GSS: variants seen among roughly 807,000 people sequenced by gnomAD.
GSS encodes the protein glutathione synthetase.
In GSS, 34 loss-of-function variants were observed where a neutral mutation model predicts 60.4. The observed-to-expected ratio is 0.56, with a 90% CI of 0.43 to 0.75. The LOEUF is 0.75. GSS is among the 30% of genes least tolerant of loss of function. GSS has a pLI of 0.00. For synonymous variants in GSS, 224 were observed against 239.0 expected (o/e 0.94, Z 0.58); for missense variants, 499 against 595.1 (o/e 0.84, Z 1.68).
intron 3 of GSS, among the ~76,000 whole-genome samples, chr20:34,943,607 A>C (rs561224275): frequency 1.3e-5 from 2 of 152,148 alleles, no homozygotes; most frequent in East Asian, 3.8e-4. Flanking sequence ...TTCTTCTTCA[A>C]CTAGTCCTCA....
intron 6 of GSS, among the ~76,000 whole-genome samples, chr20:34,938,181 C>CTGTA (rs2081455648): frequency 6.6e-6 from 1 of 152,048 alleles, no homozygotes; most frequent in Admixed American, 6.6e-5. Flanking sequence ...TTTGCTGTGA[C>CTGTA]TGTACTGCTT....
intron 10 of GSS, 39 bp from the exon 11 acceptor site, chr20:34,931,456 G>T (rs1194536577): frequency 1.3e-6 from 2 of 1,529,988 alleles, no homozygotes; most frequent in South Asian, 1.1e-5. Flanking sequence ...AAGTTTAAAG[G>T]CTAAAGAGGC....
intron 11 of GSS, among the ~76,000 whole-genome samples, chr20:34,930,435 T>G (rs2081392160): frequency 6.6e-6 from 1 of 152,114 alleles, no homozygotes; most frequent in African/African-American, 2.4e-5. Flanking sequence ...AAGGTACCCC[T>G]GAGTCATATT....
In GSS at chr20:34,936,831, A is replaced by G. The variant is rs930523814; in HGVS notation, c.699T>C (p.His233=). The change falls in exon 8 of 13, where the codon CAT becomes CAC. Residue 233 remains histidine, a synonymous_variant. Transcript: ENST00000651619. ...TATCTTCAAATGTTCGTCGGATCAC[A>G]TGGATGTTCCTGGGAAAAATGGGCA... The part of the protein sequence containing the change: ...IENELLARNI[H]VIRRTFEDIS... The G allele has an allele frequency of 3.7e-6, 6 of 1,613,952 alleles. No individual in the cohort carries two copies. Among genetic ancestry groups the G allele is most frequent in the East Asian group, 2.2e-5 (1 of 44,892 alleles).
intron 12 of GSS, 61 bp downstream of exon 12, chr20:34,929,340 G>T: frequency 7.3e-7 from 1 of 1,375,316 alleles, no homozygotes. Context: ...CTCTAGGCTG[G>T]CTCACTTGGC....
intron 3 of GSS, among the ~76,000 whole-genome samples, chr20:34,943,866 T>C (rs1165963205): frequency 2.0e-5 from 3 of 152,232 alleles, no homozygotes; most frequent in Non-Finnish European, 4.4e-5. Flanking sequence ...GTTAGGGGCC[T>C]ATCCAGTATG....
intron 2 of GSS, among the ~76,000 whole-genome samples, chr20:34,947,435 A>T (rs933654910): frequency 2.6e-5 from 4 of 152,202 alleles, no homozygotes; most frequent in African/African-American, 7.2e-5. Flanking sequence ...ATGATACAAA[A>T]TTCAAAAGAG....
In GSS at chr20:34,951,777, C is replaced by T. The variant is rs150510041; in HGVS notation, c.76G>A (p.Ala26Thr). The change falls in exon 2 of 13, where the codon GCC becomes ACC. Residue 26 changes from alanine to threonine, a missense_variant. Physicochemically the swap from Ala to Thr is moderately conservative, Grantham distance 58. Coordinates refer to ENST00000651619, the MANE Select transcript of GSS (RefSeq NM_000178.4). ...EELARQAVDR[A>T]LAEGVLLRTS... ...CTCAGCAATACTCCCTCAGCCAGGGCCCGGTCCACGGCCTGCCGTGCCAGC... is the reference window on the plus strand; with the variant it reads ...CTCAGCAATACTCCCTCAGCCAGGGTCCGGTCCACGGCCTGCCGTGCCAGC... The T allele has an allele frequency of 4.6e-5, 74 of 1,613,678 alleles. No homozygotes were observed. The highest frequency in any genetic ancestry group is 6.7e-5 in the Admixed American group (4 of 59,956).
In GSS at chr20:34,936,755, A is replaced by G; in HGVS notation, c.767+8T>C. The G allele has an allele frequency of 6.3e-7, 1 of 1,598,958 alleles. No homozygotes were observed. Among genetic ancestry groups the G allele is most frequent in the South Asian group, 1.1e-5 (1 of 90,740 alleles). On this transcript the variant is annotated splice_region_variant and intron_variant, in intron 8 of 12. Coordinates refer to ENST00000651619, the MANE Select transcript of GSS (RefSeq NM_000178.4). ...CCAGCCTTCCACTGGATTCTTGGGA[A>G]TGCTTACACAAACAGCCTTCGGTCT...
At chr20:34,935,511 T>C (rs2081433880) in intron 9 of GSS, 65 bp downstream of exon 9, 1 of 1,074,302 alleles carries the variant, frequency 9.3e-7, no homozygotes, top group Non-Finnish European at 1.5e-6. Context: ...TAAGCCTGAA[T>C]TGGGTCTCTG....
chr20:34,941,183 C>G (rs557126606), intron 6 of GSS, among the ~76,000 whole-genome samples: 1 of 152,142 alleles, frequency 6.6e-6, no homozygotes, highest in South Asian at 2.1e-4. Context: ...GGTGAAACCC[C>G]GTCTCTACTA....
chr20:34,954,940 T>C (rs1341348157), intron 1 of GSS: 1 of 153,032 alleles, frequency 6.5e-6, no homozygotes, highest in Non-Finnish European at 1.5e-5. Context: ...CCAGAGTTTG[T>C]AGCCTAGCCC....
chr20:34,942,890 A>G, intron 4 of GSS, 41 bp downstream of exon 4: 1 of 1,352,426 alleles, frequency 7.4e-7, no homozygotes, highest in Non-Finnish European at 1.1e-6. Context: ...CAGAGATGGG[A>G]GGGACAGGTT....
intron 2 of GSS, chr20:34,949,736 T>C (rs987305192): frequency 6.6e-6 from 1 of 152,202 alleles, no homozygotes; most frequent in Non-Finnish European, 1.5e-5. Flanking sequence ...TCTGTTGTGG[T>C]GAGGAGTCAG....
At chr20:34,943,587 G>T (rs760950614) in intron 3 of GSS, among the ~76,000 whole-genome samples, 120 of 151,916 alleles carry the variant, frequency 7.9e-4, no homozygotes, top group Non-Finnish European at 1.4e-3. Context: ...GGTTTTTTTT[G>T]TTTGTTTGTT....
intron 2 of GSS, among the ~76,000 whole-genome samples, chr20:34,950,782 T>C (rs1307694603): frequency 6.6e-6 from 1 of 152,150 alleles, no homozygotes; most frequent in Non-Finnish European, 1.5e-5. Flanking sequence ...TATTTACTTG[T>C]TATTAGTTAC....
chr20:34,935,085 T>C (rs144953921), intron 9 of GSS, among the ~76,000 whole-genome samples: 1 of 152,304 alleles, frequency 6.6e-6, no homozygotes, highest in Non-Finnish European at 1.5e-5. Flanking sequence ...GGGATAATTA[T>C]ATGCCTCACC....
chr20:34,928,969 G>A lies in GSS; in HGVS notation c.1302-18C>T. 1.2e-6 allele frequency: 2 copies of A among 1,612,658 alleles called. No individual in the cohort carries two copies. The highest frequency in any genetic ancestry group is 1.7e-6 in the Non-Finnish European group (2 of 1,180,020). On this transcript the variant is annotated intron_variant, in intron 12 of 12. Transcript: ENST00000651619. ...TTTCCTGCCTATAGAAATGGAGGCAGGGGACACACATCACCTGGACTCAGC... is the reference window on the plus strand; with the variant it reads ...TTTCCTGCCTATAGAAATGGAGGCAAGGGACACACATCACCTGGACTCAGC...
intron 3 of GSS, among the ~76,000 whole-genome samples, chr20:34,944,591 G>A (rs764765986): frequency 2.0e-5 from 3 of 152,148 alleles, no homozygotes; most frequent in Non-Finnish European, 2.9e-5. Flanking sequence ...GCAATTACAG[G>A]TTGGATATCC....
Sources: gnomAD v4.1 joint callset for allele counts (sites outside exome capture counted in the v4.1 genomes callset) on GRCh38, gnomAD v4.1.1 for gene constraint, MANE v1.5 for transcripts, NCBI Gene and HGNC (gene_info 2026-07-23, HGNC 2026-07-21) for gene names.